ZFP64: variants seen among roughly 807,000 people sequenced by gnomAD.
The protein encoded by ZFP64 is ZFP64 zinc finger protein, also known as zinc finger protein 64.
ZFP64 carries 14 observed loss-of-function variants against 51.6 expected under a neutral mutation model. That is an observed-to-expected ratio of 0.27 (90% CI 0.18 to 0.42). The LOEUF is 0.42. ZFP64 is among the 10% of genes least tolerant of loss of function. The pLI, the probability that ZFP64 is intolerant of heterozygous loss-of-function variation, is 1.00. For missense variants in ZFP64, 754 were observed against 906.8 expected, an observed-to-expected ratio of 0.83 and a Z score of 2.16; for synonymous variants, 375 against 361.4, an observed-to-expected ratio of 1.04 and a Z score of -0.43.
intron 5 of ZFP64, among the ~76,000 whole-genome samples, chr20:52,140,638 A>C (rs1040586800): frequency 1.1e-4 from 17 of 152,232 alleles, no homozygotes; most frequent in African/African-American, 4.1e-4. Flanking sequence ...GGTTTAAAGA[A>C]AGAAGCCATC....
At chr20:52,162,748 CTG>C (rs1375129867) in intron 4 of ZFP64, among the ~76,000 whole-genome samples, 2 of 152,218 alleles carry the variant, frequency 1.3e-5, no homozygotes, top group Non-Finnish European at 1.5e-5. Flanking sequence ...GGTCACTACA[CTG>C]TGTATTTGCA....
intron 1 of ZFP64, among the ~76,000 whole-genome samples, chr20:52,188,171 C>G (rs766417103): frequency 7.2e-5 from 11 of 152,124 alleles, no homozygotes; most frequent in Non-Finnish European, 1.2e-4. Flanking sequence ...GGGCTCTGCC[C>G]TTTACTTCAC....
At chr20:52,134,988 A>G (rs1979900734) in intron 5 of ZFP64, among the ~76,000 whole-genome samples, 2 of 151,954 alleles carry the variant, frequency 1.3e-5, no homozygotes, top group Admixed American at 1.3e-4. Flanking sequence ...TCAGCCTCCC[A>G]AGTAACTGGG....
chr20:52,102,794 T>C (rs1179779768), intron 5 of ZFP64, among the ~76,000 whole-genome samples: 5 of 152,112 alleles, frequency 3.3e-5, no homozygotes, highest in African/African-American at 7.2e-5. Flanking sequence ...GTGAAATGGG[T>C]ATTATGGCCG....
At chr20:52,095,619 C>G (rs1295190569) in intron 7 of ZFP64, among the ~76,000 whole-genome samples, 1 of 152,150 alleles carries the variant, frequency 6.6e-6, no homozygotes, top group East Asian at 1.9e-4. Context: ...AGAGAAGTGG[C>G]CTAAGTTTGC....
At chr20:52,117,081 G>GCACACACACA (rs74600972) in intron 5 of ZFP64, among the ~76,000 whole-genome samples, 1 of 150,680 alleles carries the variant, frequency 6.6e-6, no homozygotes, top group Non-Finnish European at 1.5e-5. Context: ...ACACACACAC[G>GCACACACACA]CACACACACA....
intron 5 of ZFP64, among the ~76,000 whole-genome samples, chr20:52,101,278 T>C (rs1428567410): frequency 6.6e-6 from 1 of 152,164 alleles, no homozygotes; most frequent in Non-Finnish European, 1.5e-5. Context: ...ATGGGTTCAG[T>C]GTAGTTTCCC....
At chr20:52,177,727 T>A (rs999985186) in intron 2 of ZFP64, among the ~76,000 whole-genome samples, 2 of 151,996 alleles carry the variant, frequency 1.3e-5, no homozygotes, top group African/African-American at 4.8e-5. Context: ...ACACTTTTAG[T>A]TTGCTGTTGT....
At chr20:52,089,219 T>C (rs1160743016) in intron 7 of ZFP64, among the ~76,000 whole-genome samples, 1 of 151,996 alleles carries the variant, frequency 6.6e-6, no homozygotes, top group Non-Finnish European at 1.5e-5. Flanking sequence ...ATAAAATTAG[T>C]TTACCCAATA....
intron 2 of ZFP64, among the ~76,000 whole-genome samples, chr20:52,171,990 G>C (rs932751811): frequency 6.6e-6 from 1 of 152,154 alleles, no homozygotes; most frequent in African/African-American, 2.4e-5. Flanking sequence ...CAGGTGATGT[G>C]CCCGCCTCGG....
At chr20:52,097,059 T>A (rs754463451) in intron 7 of ZFP64, 3 of 679,548 alleles carry the variant, frequency 4.4e-6, no homozygotes, top group Non-Finnish European at 8.5e-6. Flanking sequence ...GCATAGATTA[T>A]GGCACTCCTT....
exon 8 of ZFP64, chr20:52,088,631 T>C: frequency 6.2e-7 from 1 of 1,614,130 alleles, no homozygotes; most frequent in Non-Finnish European, 8.5e-7. Flanking sequence ...CTCACACTTG[T>C]GCGGTTTGTC....
intron 7 of ZFP64, among the ~76,000 whole-genome samples, chr20:52,094,587 C>G (rs891304361): frequency 6.6e-6 from 1 of 152,018 alleles, no homozygotes. Context: ...AGTGAGACCT[C>G]GTCACTACAA....
At chr20:52,084,379 C>A in exon 9 of ZFP64, 1 of 620,394 alleles carries the variant, frequency 1.6e-6, no homozygotes, top group Non-Finnish European at 2.8e-6. Flanking sequence ...CTCCACAGCC[C>A]TGCTTTGCTT....
In ZFP64 at chr20:52,186,872, G is replaced by C; in HGVS notation, c.246C>G (p.Thr82=). ...TCTCCGAGGTGATGGTTCTGGTGGT[G>C]GTCTGAGTCTGGGTGGCAGGCACTG... ...EETVPATQTQ[T]TTRTITSETQ... The change falls in exon 2 of 6, where the codon ACC becomes ACG. Residue 82 remains threonine, a synonymous_variant. Transcript: ENST00000216923. 1 of 1,613,384 alleles carries C rather than the reference G, an allele frequency of 6.2e-7. No individual in the cohort carries two copies. Among genetic ancestry groups the C allele is most frequent in the Non-Finnish European group, 8.5e-7 (1 of 1,179,378 alleles).
rs375267371 is a variant in ZFP64 at position 52,176,022 on chromosome 20, T to C, written c.287-9997A>G. 1.3e-3 allele frequency: 1,274 copies of C among 959,810 alleles called. 12 individuals carry two copies. In the African/African-American group the frequency reaches 0.02, roughly 15 times the overall value. The allele number at this position is 959,810 out of a possible 1,614,324, so 59.5% of individuals were successfully genotyped here. On this transcript the variant is annotated intron_variant, in intron 2 of 5. Coordinates refer to ENST00000216923, the MANE Select transcript of ZFP64 (RefSeq NM_018197.3). ...AGTGGCGCTGCCCTGTTGGAAGCCCTGACCACGCCCCAGCTCTGCCTTTGC... is the reference window on the plus strand; with the variant it reads ...AGTGGCGCTGCCCTGTTGGAAGCCCCGACCACGCCCCAGCTCTGCCTTTGC...
intron 5 of ZFP64, among the ~76,000 whole-genome samples, chr20:52,158,153 C>T (rs1010628298): frequency 6.6e-6 from 1 of 152,180 alleles, no homozygotes; most frequent in Non-Finnish European, 1.5e-5. Context: ...TCTTACACTA[C>T]TTTCAAATGG....
At chr20:52,115,356 A>G (rs972884987) in intron 5 of ZFP64, among the ~76,000 whole-genome samples, 5 of 151,830 alleles carry the variant, frequency 3.3e-5, no homozygotes, top group Non-Finnish European at 5.9e-5. Context: ...ATGGTGAAAT[A>G]TATATTCACA....
chr20:52,157,646 C>T (rs915452709), intron 5 of ZFP64, among the ~76,000 whole-genome samples: 1 of 152,130 alleles, frequency 6.6e-6, no homozygotes. Context: ...CTGACAAATG[C>T]CTCCCGTTCT....
Sources: gnomAD v4.1 joint callset for allele counts (sites outside exome capture counted in the v4.1 genomes callset) on GRCh38, gnomAD v4.1.1 for gene constraint, MANE v1.5 for transcripts, NCBI Gene and HGNC (gene_info 2026-07-23, HGNC 2026-07-21) for gene names.